The following TDRD9 variants were observed in gnomAD, a reference collection of about 807,000 sequenced individuals.
The protein encoded by TDRD9 is tudor domain containing 9.
Under a neutral mutation model 172.6 loss-of-function variants are expected in TDRD9, and 124 were observed. The observed-to-expected ratio is 0.72, with a 90% confidence interval of 0.62 to 0.83. The LOEUF is 0.83. TDRD9 is among the 40% of genes least tolerant of loss of function. The pLI, the probability that TDRD9 is intolerant of heterozygous loss-of-function variation, is 0.00. For synonymous variants in TDRD9, 619 were observed against 617.1 expected (o/e 1.00, Z -0.05); for missense variants, 1,479 against 1,714.1 (o/e 0.86, Z 2.42).
intron 1 of TDRD9, among the ~76,000 whole-genome samples, chr14:103,934,843 T>A (rs1187453): frequency 0.056 from 8,526 of 152,308 alleles, 794 homozygotes; most frequent in African/African-American, 0.19. Flanking sequence ...CTGTGATGGT[T>A]AACTTTGTGT....
intron 1 of TDRD9, among the ~76,000 whole-genome samples, chr14:103,938,687 TCG>T (rs2030974882): frequency 6.6e-6 from 1 of 151,894 alleles, no homozygotes; most frequent in Non-Finnish European, 1.5e-5. Context: ...TTCGCCCGCC[TCG>T]GCCTCCCAAA....
chr14:103,972,457 G>T (rs1192708210), intron 6 of TDRD9, among the ~76,000 whole-genome samples: 3 of 152,214 alleles, frequency 2.0e-5, no homozygotes, highest in African/African-American at 7.2e-5. Flanking sequence ...TGATGGGAAT[G>T]ATAAATATCA....
intron 2 of TDRD9, among the ~76,000 whole-genome samples, chr14:103,956,094 AAAAAAAAAAAAAAAAAAATAT>A (rs1264867526): frequency 6.4e-4 from 30 of 46,874 alleles, no homozygotes; most frequent in African/African-American, 2.5e-3. Context: ...AAAAAAAAAA[AAAAAAAAAAAAAAAAAAATAT>A]ATATATATAT....
chr14:103,970,212 G>T (rs1001222846), intron 5 of TDRD9, among the ~76,000 whole-genome samples: 3 of 152,184 alleles, frequency 2.0e-5, no homozygotes, highest in Admixed American at 6.5e-5. Context: ...CTGTGCTTGA[G>T]GTAGGTGGAG....
At chr14:103,945,031 A>G (rs2031487044) in intron 1 of TDRD9, among the ~76,000 whole-genome samples, 1 of 152,206 alleles carries the variant, frequency 6.6e-6, no homozygotes, top group Admixed American at 6.5e-5. Context: ...CCTACTCCCA[A>G]GGAGCCAGCC....
At chr14:104,036,600 AG>A (rs1287775305) in intron 32 of TDRD9, among the ~76,000 whole-genome samples, 5 of 152,144 alleles carry the variant, frequency 3.3e-5, no homozygotes, top group Non-Finnish European at 5.9e-5. Context: ...TTTAAACACC[AG>A]CTTTTGAGGA....
chr14:104,017,790 T>C (rs2034836994), intron 22 of TDRD9, among the ~76,000 whole-genome samples: 1 of 152,230 alleles, frequency 6.6e-6, no homozygotes, highest in South Asian at 2.1e-4. Context: ...AAAAGAAGTA[T>C]TTAGTAAGCT....
At chr14:103,940,716 A>G (rs956503977) in intron 1 of TDRD9, 2 of 876,578 alleles carry the variant, frequency 2.3e-6, no homozygotes, top group Non-Finnish European at 3.4e-6. Flanking sequence ...ACCTTGTAAC[A>G]AAGAAAAACT....
intron 10 of TDRD9, 60 bp downstream of exon 10, chr14:103,994,446 T>G (rs2033983449): frequency 1.2e-6 from 2 of 1,603,416 alleles, no homozygotes; most frequent in Non-Finnish European, 1.7e-6. Flanking sequence ...CTGCCTTAAA[T>G]TATCTCAGTA....
At chr14:103,940,619 G>A (rs567259205) in intron 1 of TDRD9, 14 of 480,858 alleles carry the variant, frequency 2.9e-5, no homozygotes, top group African/African-American at 1.4e-4. Flanking sequence ...TTAGTTAAAA[G>A]CATACTATTC....
chr14:103,930,935 CAATAAA>C (rs2030345624), intron 1 of TDRD9, among the ~76,000 whole-genome samples: 2 of 151,932 alleles, frequency 1.3e-5, no homozygotes, highest in Admixed American at 1.3e-4. Flanking sequence ...TTTATAAAAT[CAATAAA>C]AATGAATTTT....
At chr14:104,043,471 C>G (rs1399056145) in intron 34 of TDRD9, among the ~76,000 whole-genome samples, 2 of 151,986 alleles carry the variant, frequency 1.3e-5, no homozygotes, top group East Asian at 3.9e-4. Context: ...TGACCTCAGG[C>G]GATCCACCCG....
Position 103,965,463 on chromosome 14 carries a change from T to G in TDRD9, c.551T>G (p.Val184Gly). Residue 184 changes from valine to glycine, a missense_variant, in exon 4 of 36, where the codon GTC becomes GGC. By Grantham distance (109) the Val-to-Gly change is moderately radical (BLOSUM62 -3). This residue lies in a region of TDRD9 where 1,413 missense variants were observed against 1,649.1 expected (regional missense o/e 0.86). Coordinates refer to ENST00000409874, the MANE Select transcript of TDRD9 (RefSeq NM_153046.3). The stretch of plus-strand genomic sequence containing the variant: ...CGCTCCGCCTACTGCAGCATTGTGG[T>G]CACCCAGCCCCGGAAGATAGGGGCA... ...VQRSAYCSIV[V>G]TQPRKIGASS... 1 of 1,548,774 alleles carries G rather than the reference T, an allele frequency of 6.5e-7. No homozygotes were observed. Among genetic ancestry groups the G allele is most frequent in the Non-Finnish European group, 8.7e-7 (1 of 1,146,634 alleles).
At chr14:103,937,648 T>C (rs2030856312) in intron 1 of TDRD9, among the ~76,000 whole-genome samples, 1 of 152,154 alleles carries the variant, frequency 6.6e-6, no homozygotes, top group African/African-American at 2.4e-5. Context: ...CCAGAATGAT[T>C]CTGAGATTTC....
Position 104,004,239 on chromosome 14 carries a change from C to T in TDRD9, c.1485C>T (p.Gly495=), listed in dbSNP as rs779328575. The part of the protein sequence containing the change: ...ASKTSCNQRK[G]RAGRVSRGYC... ...TGTTTGCACATCTCTCCTTTGAAGG[C>T]CGTGCTGGACGAGTGTCTAGAGGGT... Residue 495 remains glycine, a splice_region_variant and synonymous_variant, in exon 14 of 36, where the codon GGC becomes GGT. Coordinates refer to ENST00000409874, the MANE Select transcript of TDRD9 (RefSeq NM_153046.3). 6 of 1,559,698 alleles carry T rather than the reference C, an allele frequency of 3.8e-6. No homozygotes were observed. Among genetic ancestry groups the T allele is most frequent in the Non-Finnish European group, 1.8e-6 (2 of 1,138,084 alleles).
intron 24 of TDRD9, among the ~76,000 whole-genome samples, chr14:104,022,747 A>C (rs1463843073): frequency 6.6e-6 from 1 of 151,176 alleles, no homozygotes; most frequent in Admixed American, 6.6e-5. Context: ...TAAATAAATA[A>C]ATAAATAAAT....
intron 3 of TDRD9, 130 bp from the exon 4 acceptor site, chr14:103,965,203 C>T: frequency 1.1e-6 from 1 of 949,930 alleles, no homozygotes; most frequent in Non-Finnish European, 1.6e-6. Context: ...CAGAGCGAGA[C>T]TCCATCTCAA....
Position 103,994,333 on chromosome 14 carries a change from T to G in TDRD9, c.1182T>G (p.Gly394=). The G allele has an allele frequency of 6.2e-7, 1 of 1,613,444 alleles. No homozygotes were observed. Among genetic ancestry groups the G allele is most frequent in the East Asian group, 2.2e-5 (1 of 44,824 alleles). ...CTCCTCCACTTTTTTCTTCCCTAGG[T>G]CTGGGTGAAATAAATTATATGCATG... ...ERSSVLVFLP[G]LGEINYMHEL... is the part of the protein sequence containing the mutation. Residue 394 remains glycine (G), a splice_region_variant and synonymous_variant, in exon 10 of 36, where the codon GGT becomes GGG. Coordinates refer to ENST00000409874, the MANE Select transcript of TDRD9 (RefSeq NM_153046.3).
chr14:104,051,790 T>C (rs1044169003), intron 35 of TDRD9, among the ~76,000 whole-genome samples, 191 bp from the exon 36 acceptor site: 7 of 152,314 alleles, frequency 4.6e-5, no homozygotes, highest in African/African-American at 1.7e-4. Flanking sequence ...TTTAATGGGG[T>C]TATTTAAACA....
Sources: allele counts gnomAD v4.1 joint callset (sites outside exome capture counted in the v4.1 genomes callset), GRCh38; gene constraint gnomAD v4.1.1; regional missense constraint gnomAD v4.1.1; transcripts MANE v1.5; gene names NCBI Gene and HGNC (gene_info 2026-07-23, HGNC 2026-07-21).